The following TBK1 variants were observed in gnomAD, a reference collection of about 807,000 sequenced individuals.
TBK1 encodes the protein serine/threonine-protein kinase TBK1.
In TBK1, 37 loss-of-function variants were observed where a neutral mutation model predicts 99.9. That is an observed-to-expected ratio of 0.37 (90% confidence interval 0.28 to 0.49). The LOEUF (loss-of-function observed/expected upper bound fraction) is 0.49. Ranked by LOEUF, TBK1 falls within the 20% of genes least tolerant of loss-of-function variation. The pLI, the probability that TBK1 is intolerant of heterozygous loss-of-function variation, is 0.98. For missense variants in TBK1, 644 were observed against 872.5 expected (o/e 0.74, Z 3.30); for synonymous variants, 258 against 279.8 (o/e 0.92, Z 0.78).
Position 64,497,681 on chromosome 12 carries a change from G to GCTTCCA in TBK1, c.1994_1999dup (p.Ser666_Ser667insThrSer), listed in dbSNP as rs748669080. ...AACTCTGCCTCAGAAAATGTTTACA[G>GCTTCCA]CTTCCAGTGGAATCAAACATACCAT... On this transcript the variant is annotated inframe_insertion, in exon 19 of 21. Coordinates refer to ENST00000331710, the MANE Select transcript of TBK1 (RefSeq NM_013254.4). The GCTTCCA allele has an allele frequency of 6.3e-7, 1 of 1,586,392 alleles. No individual in the cohort carries two copies. Among genetic ancestry groups the GCTTCCA allele is most frequent in the Non-Finnish European group, 8.6e-7 (1 of 1,169,196 alleles).
Position 64,497,951 on chromosome 12 carries a change from CTTGT to C in TBK1, c.2067-14_2067-11del. ...TGCATACTGTTTTTGAGCAAAGGTG[CTTGT>C]TTATTTTATTAGTATGAAGAAATTA... On this transcript the variant is annotated splice_polypyrimidine_tract_variant and intron_variant, in intron 19 of 20. Transcript: ENST00000331710. 6.2e-7 allele frequency: 1 copy of C among 1,602,706 alleles called. No individual in the cohort carries two copies. Among genetic ancestry groups the C allele is most frequent in the Non-Finnish European group, 8.5e-7 (1 of 1,174,224 alleles).
chr12:64,484,423 T>C lies in TBK1; in HGVS notation c.1113T>C (p.Pro371=), dbSNP rs2040798486. The change falls in exon 9 of 21, where the codon CCT becomes CCC. Residue 371 remains proline (P), a synonymous_variant. Coordinates refer to ENST00000331710, the MANE Select transcript of TBK1 (RefSeq NM_013254.4). The stretch of plus-strand genomic sequence containing the variant: ...CTGGAAGGCTGGCACAACATTTCCC[T>C]AAAACTACTGAGGAAAACCCTATAT... ...LEPGRLAQHF[P]KTTEENPIFV... is the part of the protein sequence containing the mutation. 6.2e-7 allele frequency: 1 copy of C among 1,613,988 alleles called. No homozygotes were observed. The highest frequency in any genetic ancestry group is 8.5e-7 in the Non-Finnish European group (1 of 1,180,012).
intron 6 of TBK1, among the ~76,000 whole-genome samples, chr12:64,476,801 A>G (rs2040718911): frequency 6.6e-6 from 1 of 152,154 alleles, no homozygotes; most frequent in Admixed American, 6.5e-5. Context: ...TTGTAGTTTG[A>G]GGTCTTACAT....
intron 3 of TBK1, 21 bp downstream of exon 3, chr12:64,460,350 CTTATAT>C (rs764330904): frequency 6.7e-7 from 1 of 1,500,664 alleles, no homozygotes; most frequent in Non-Finnish European, 9.0e-7. Context: ...AAACTTCAAT[CTTATAT>C]TTATTGTAGT....
chr12:64,487,637 C>G (rs889879156), intron 11 of TBK1, among the ~76,000 whole-genome samples: 1 of 152,130 alleles, frequency 6.6e-6, no homozygotes, highest in African/African-American at 2.4e-5. Flanking sequence ...ATTCCTTTTA[C>G]TTATTAGTTT....
intron 3 of TBK1, 68 bp from the exon 4 acceptor site, chr12:64,464,266 A>T: frequency 7.7e-7 from 1 of 1,299,938 alleles, no homozygotes; most frequent in Non-Finnish European, 1.1e-6. Context: ...ATGAAATCAG[A>T]TAAGTACTGG....
At chr12:64,467,641 G>A (rs898915720) in intron 5 of TBK1, among the ~76,000 whole-genome samples, 4 of 152,086 alleles carry the variant, frequency 2.6e-5, no homozygotes, top group African/African-American at 9.7e-5. Flanking sequence ...CTTTTAACAT[G>A]TAATCAGGAA....
rs914162336 is a variant in TBK1 at position 64,497,769 on chromosome 12, A to T, written c.2066+15A>T. ...ATGACTCTTGGGTAAGAAACTCATC[A>T]TTTGGAAACTGTAGTGTTTCCATTT... On this transcript the variant is annotated intron_variant, in intron 19 of 20. Transcript: ENST00000331710. 6.4e-7 allele frequency: 1 copy of T among 1,558,676 alleles called. No individual in the cohort carries two copies. The highest frequency in any genetic ancestry group is 8.7e-7 in the Non-Finnish European group (1 of 1,146,024).
chr12:64,488,396 GT>G, intron 11 of TBK1, 90 bp from the exon 12 acceptor site: 2 of 623,880 alleles, frequency 3.2e-6, no homozygotes, highest in South Asian at 4.9e-5. Flanking sequence ...GTTATAAAAT[GT>G]TTTTGAACTG....
At chr12:64,489,904 C>T in intron 12 of TBK1, 137 bp from the exon 13 acceptor site, 1 of 542,002 alleles carries the variant, frequency 1.8e-6, no homozygotes, top group Non-Finnish European at 3.1e-6. Context: ...TAACAATCTG[C>T]TGGCTTATAG....
intron 5 of TBK1, among the ~76,000 whole-genome samples, chr12:64,469,181 A>G (rs369174138): frequency 1.2e-3 from 185 of 152,132 alleles, no homozygotes; most frequent in Non-Finnish European, 2.1e-3. Context: ...GTACAGTTGT[A>G]ATGAATTCAC....
intron 3 of TBK1, among the ~76,000 whole-genome samples, chr12:64,461,225 A>T (rs1565812491): frequency 6.6e-6 from 1 of 152,002 alleles, no homozygotes; most frequent in African/African-American, 2.4e-5. Flanking sequence ...TTAAAAAAAT[A>T]AAAATTTTGT....
At chr12:64,460,404 A>G (rs2040534785) in intron 3 of TBK1, 75 bp downstream of exon 3, 4 of 1,235,166 alleles carry the variant, frequency 3.2e-6, no homozygotes, top group Non-Finnish European at 3.2e-6. Context: ...TAAAAAATGG[A>G]TTTTTTAAAA....
intron 8 of TBK1, among the ~76,000 whole-genome samples, chr12:64,483,339 G>A (rs2040786452): frequency 6.6e-6 from 1 of 152,174 alleles, no homozygotes; most frequent in East Asian, 1.9e-4. Context: ...GTGGAGGCTT[G>A]TAGAGCCAAA....
rs781774800 is a variant in TBK1, at chr12:64,484,496, A to G, written c.1186A>G (p.Lys396Glu). ...PLNTIGLIYE[K>E]ISLPKVHPRY... Reference sequence around the variant, plus strand: ...GAATACCATAGGATTAATATATGAAAAAAGTAAGTTGGGATTTTTCTTGTC... The same window carrying G: ...GAATACCATAGGATTAATATATGAAGAAAGTAAGTTGGGATTTTTCTTGTC... Residue 396 changes from lysine (K) to glutamate (E), a missense_variant, in exon 9 of 21, where the codon AAA (lysine) becomes GAA (glutamate). Lys to Glu is a moderately conservative substitution (Grantham distance 56). Coordinates refer to ENST00000331710, the MANE Select transcript of TBK1 (RefSeq NM_013254.4). The G allele has an allele frequency of 1.3e-6, 2 of 1,592,216 alleles. No individual in the cohort carries two copies. The highest frequency in any genetic ancestry group is 1.2e-5 in the South Asian group (1 of 86,658).
At chr12:64,455,224 G>T (rs994160631) in intron 1 of TBK1, among the ~76,000 whole-genome samples, 3 of 151,948 alleles carry the variant, frequency 2.0e-5, no homozygotes, top group Non-Finnish European at 2.9e-5. Context: ...GGCTTCAGGT[G>T]ATCTGCCTGC....
intron 2 of TBK1, among the ~76,000 whole-genome samples, chr12:64,458,420 AGT>A (rs1226582863): frequency 4.0e-5 from 6 of 151,514 alleles, no homozygotes; most frequent in Admixed American, 3.9e-4. Flanking sequence ...CTAAAGTATG[AGT>A]GTGGGTGTGT....
Position 64,472,858 on chromosome 12 carries a change from C to T in TBK1, c.541-1372C>T, listed in dbSNP as rs532596787. On this transcript the variant is annotated intron_variant, in intron 5 of 20. Coordinates refer to ENST00000331710, the MANE Select transcript of TBK1 (RefSeq NM_013254.4). ...TGTGTTGGGCCACATTCAAAGCTGT[C>T]CTGGGCTACATGTGGCCCACAGGCT... Among the ~76,000 whole-genome samples, 14 of 152,292 alleles carry T rather than the reference C, an allele frequency of 9.2e-5. No homozygotes were observed. The South Asian group carries it at 2.7e-3, about 29-fold the overall frequency.
At chr12:64,456,461 A>G (rs184483009) in intron 2 of TBK1, among the ~76,000 whole-genome samples, 97 of 152,302 alleles carry the variant, frequency 6.4e-4, no homozygotes, top group African/African-American at 2.3e-3. Flanking sequence ...CCCAGGTTGA[A>G]AAGACCATAT....
Sources: gnomAD v4.1 joint callset for allele counts (sites outside exome capture counted in the v4.1 genomes callset) on GRCh38, gnomAD v4.1.1 for gene constraint, MANE v1.5 for transcripts, NCBI Gene and HGNC (gene_info 2026-07-23, HGNC 2026-07-21) for gene names.